Variants in ITGA1 observed in about 807,000 individuals in gnomAD.
The protein encoded by ITGA1 is integrin alpha-1.
A neutral mutation model predicts 145.9 loss-of-function variants in ITGA1; 85 were observed. The ratio of observed to expected loss-of-function variants is 0.58; its 90% CI spans 0.49 to 0.70. The LOEUF (loss-of-function observed/expected upper bound fraction) is 0.70, where lower values mean the gene tolerates loss of function less well. ITGA1 is among the 30% of genes least tolerant of loss of function. The pLI is 0.00. For missense variants in ITGA1, 1,351 were observed against 1,418.7 expected (o/e 0.95, Z 0.77); for synonymous variants, 520 against 495.3 (o/e 1.05, Z -0.66).
Position 52,939,842 on chromosome 5 carries a change from C to T in ITGA1, c.3183C>T (p.Asp1061=), listed in dbSNP as rs1018095847. The part of the protein sequence containing the change: ...TDHLKRGTIL[D]CNTCKFATIT... Reference sequence around the variant, plus strand: ...TGTATCTCTGGACATTTAAACAGGACTGCAATACATGTAAATTTGCTACCA... The same window carrying T: ...TGTATCTCTGGACATTTAAACAGGATTGCAATACATGTAAATTTGCTACCA... Residue 1061 remains aspartate (D), a splice_region_variant and synonymous_variant, in exon 26 of 29, where the codon GAC becomes GAT. Coordinates refer to ENST00000282588, the MANE Select transcript of ITGA1 (RefSeq NM_181501.2). 32 of 1,594,114 alleles carry T rather than the reference C, an allele frequency of 2.0e-5. No individual in the cohort carries two copies. In the Admixed American group the frequency reaches 5.0e-4, roughly 25 times the overall value.
intron 6 of ITGA1, among the ~76,000 whole-genome samples, chr5:52,880,661 G>A (rs1182717381): frequency 2.0e-5 from 3 of 152,156 alleles, no homozygotes; most frequent in Non-Finnish European, 4.4e-5. Flanking sequence ...AGTAACAGAG[G>A]CAACTTCACC....
chr5:52,858,666 C>G (rs962694931), intron 2 of ITGA1, among the ~76,000 whole-genome samples: 26 of 152,052 alleles, frequency 1.7e-4, no homozygotes, highest in African/African-American at 5.8e-4. Context: ...ACGTATTTTA[C>G]AACTGAAAAT....
chr5:52,882,073 C>T (rs1235418871), intron 7 of ITGA1, 52 bp downstream of exon 7: 3 of 1,426,094 alleles, frequency 2.1e-6, no homozygotes, highest in African/African-American at 1.4e-5. Context: ...AATAACTGCT[C>T]ATGATTTAGC....
intron 1 of ITGA1, among the ~76,000 whole-genome samples, chr5:52,832,101 T>C (rs536421312): frequency 3.1e-4 from 47 of 152,256 alleles, no homozygotes; most frequent in African/African-American, 1.1e-3. Context: ...AACTCTCTCC[T>C]TCCCTCATCT....
intron 2 of ITGA1, among the ~76,000 whole-genome samples, chr5:52,855,362 A>G (rs1166569329): frequency 2.0e-5 from 3 of 152,172 alleles, no homozygotes; most frequent in Admixed American, 2.0e-4. Context: ...AAGATTTTAC[A>G]ATCCAGACCT....
chr5:52,814,577 T>A (rs1748735463), intron 1 of ITGA1, among the ~76,000 whole-genome samples: 1 of 152,204 alleles, frequency 6.6e-6, no homozygotes, highest in African/African-American at 2.4e-5. Flanking sequence ...ATTAGTTGAG[T>A]AATACAAAAT....
chr5:52,925,704 A>G (rs79990529), intron 19 of ITGA1, among the ~76,000 whole-genome samples: 4,700 of 152,308 alleles, frequency 0.031, 282 homozygotes, highest in African/African-American at 0.11. Flanking sequence ...TCTGTGTGAG[A>G]AAAGGATAGC....
chr5:52,929,185 G>C lies in ITGA1; in HGVS notation c.2695-440G>C, dbSNP rs553946488. On this transcript the variant is annotated intron_variant, in intron 20 of 28. Transcript: ENST00000282588. ...AAACACACTGGTAGATCTAGTGTCTGGTGAGGGCCCATTTCATGCTTCATA... is the reference window on the plus strand; with the variant it reads ...AAACACACTGGTAGATCTAGTGTCTCGTGAGGGCCCATTTCATGCTTCATA... Among the ~76,000 whole-genome samples the C allele has an allele frequency of 1.4e-4, 22 of 152,212 alleles. No homozygotes were observed. The East Asian group carries it at 3.9e-3, about 27-fold the overall frequency.
chr5:52,798,285 G>A (rs555864341), intron 1 of ITGA1, among the ~76,000 whole-genome samples: 2 of 152,248 alleles, frequency 1.3e-5, no homozygotes, highest in Admixed American at 6.5e-5. Context: ...GAGGAAGTAA[G>A]GGGAGACATA....
intron 7 of ITGA1, among the ~76,000 whole-genome samples, chr5:52,886,862 T>C (rs957618101): frequency 6.6e-6 from 1 of 152,166 alleles, no homozygotes; most frequent in East Asian, 1.9e-4. Flanking sequence ...CACTGCAAGC[T>C]CCGCCTCCCG....
intron 21 of ITGA1, among the ~76,000 whole-genome samples, chr5:52,930,937 G>GA (rs1397335868): frequency 2.0e-5 from 3 of 152,092 alleles, no homozygotes; most frequent in African/African-American, 7.2e-5. Flanking sequence ...TGCTTATGGA[G>GA]ATGAATTTAG....
intron 1 of ITGA1, among the ~76,000 whole-genome samples, chr5:52,826,148 T>C (rs1195098332): frequency 1.3e-5 from 2 of 152,174 alleles, no homozygotes; most frequent in Non-Finnish European, 2.9e-5. Flanking sequence ...AATTAAGTGC[T>C]ACTCCAGTGA....
chr5:52,909,369 T>C (rs1356234703), intron 13 of ITGA1, among the ~76,000 whole-genome samples: 2 of 152,048 alleles, frequency 1.3e-5, no homozygotes, highest in African/African-American at 4.8e-5. Flanking sequence ...GGCTTGGAGA[T>C]AGATAATAAC....
intron 28 of ITGA1, among the ~76,000 whole-genome samples, chr5:52,947,729 TA>T (rs1267950512): frequency 2.0e-5 from 3 of 152,148 alleles, no homozygotes; most frequent in African/African-American, 4.8e-5. Flanking sequence ...TTTAGTATGA[TA>T]GGGGACTTTC....
chr5:52,871,227 T>A (rs1309240936), intron 6 of ITGA1, among the ~76,000 whole-genome samples: 1 of 152,212 alleles, frequency 6.6e-6, no homozygotes, highest in Non-Finnish European at 1.5e-5. Flanking sequence ...TTTGATCTTT[T>A]TTTTCCCAAC....
chr5:52,926,161 T>A (rs1750802901), intron 19 of ITGA1, among the ~76,000 whole-genome samples: 3 of 152,148 alleles, frequency 2.0e-5, no homozygotes, highest in Admixed American at 2.0e-4. Context: ...ATATTATACA[T>A]AGTATTAAAA....
At chr5:52,915,251 C>T (rs1237473185) in intron 14 of ITGA1, among the ~76,000 whole-genome samples, 2 of 152,162 alleles carry the variant, frequency 1.3e-5, no homozygotes, top group African/African-American at 4.8e-5. Flanking sequence ...GTGTCAGTGA[C>T]CTTGTAATGA....
At chr5:52,942,817 A>C (rs1751075081) in intron 26 of ITGA1, among the ~76,000 whole-genome samples, 1 of 151,734 alleles carries the variant, frequency 6.6e-6, no homozygotes, top group African/African-American at 2.4e-5. Context: ...CTGGGATTAC[A>C]GGCGTGAGCC....
intron 1 of ITGA1, among the ~76,000 whole-genome samples, chr5:52,808,273 C>G (rs1346593231): frequency 6.6e-6 from 1 of 152,192 alleles, no homozygotes; most frequent in East Asian, 1.9e-4. Context: ...AAATCTTTAG[C>G]TGTCATACCT....
Sources: allele counts gnomAD v4.1 joint callset (sites outside exome capture counted in the v4.1 genomes callset), GRCh38; gene constraint gnomAD v4.1.1; transcripts MANE v1.5; gene names NCBI Gene and HGNC (gene_info 2026-07-23, HGNC 2026-07-21).